LOC128462377: variants seen among roughly 807,000 people sequenced by gnomAD.
At chr16:89,368,264 C>T in the LOC128462377 span, among the ~76,000 whole-genome samples, 9 of 151,448 alleles carry the variant, frequency 5.9e-5, no homozygotes, top group Non-Finnish European at 1.0e-4. Flanking sequence ...GGCACAATCT[C>T]GGCTCACTGC....
At chr16:89,390,778 G>A in the LOC128462377 span, among the ~76,000 whole-genome samples, 1 of 152,150 alleles carries the variant, frequency 6.6e-6, no homozygotes, top group Non-Finnish European at 1.5e-5. Flanking sequence ...GCTGGTAATG[G>A]TTGTCTAACT....
At chr16:89,411,067 G>A in the LOC128462377 span, among the ~76,000 whole-genome samples, 7 of 151,942 alleles carry the variant, frequency 4.6e-5, no homozygotes, top group East Asian at 1.9e-4. Flanking sequence ...AGGGAGGGGC[G>A]GCCAGTGCAG....
the LOC128462377 span, among the ~76,000 whole-genome samples, chr16:89,331,404 A>G: frequency 6.6e-6 from 1 of 152,256 alleles, no homozygotes; most frequent in Non-Finnish European, 1.5e-5. Flanking sequence ...TCTCTGACAA[A>G]CAGGCAAAAA....
At chr16:89,363,696 C>G in the LOC128462377 span, among the ~76,000 whole-genome samples, 1 of 152,090 alleles carries the variant, frequency 6.6e-6, no homozygotes, top group African/African-American at 2.4e-5. Flanking sequence ...TGGCCCAGGC[C>G]CCTGTGAAAC....
chr16:89,417,614 G>T, the LOC128462377 span, among the ~76,000 whole-genome samples: 1 of 152,092 alleles, frequency 6.6e-6, no homozygotes, highest in East Asian at 1.9e-4. Flanking sequence ...CATACACACT[G>T]GTCTCCAGCT....
chr16:89,402,477 C>T, the LOC128462377 span, among the ~76,000 whole-genome samples: 5 of 151,994 alleles, frequency 3.3e-5, no homozygotes, highest in Non-Finnish European at 2.9e-5. Context: ...TCCAAGAGTT[C>T]AAGAGCATCC....
the LOC128462377 span, among the ~76,000 whole-genome samples, chr16:89,396,684 G>A: frequency 6.6e-6 from 1 of 152,096 alleles, no homozygotes; most frequent in Non-Finnish European, 1.5e-5. Flanking sequence ...ATTGCTATTT[G>A]TTGTTGTTGC....
the LOC128462377 span, among the ~76,000 whole-genome samples, chr16:89,402,501 G>A: frequency 2.0e-5 from 3 of 151,930 alleles, no homozygotes; most frequent in Non-Finnish European, 2.9e-5. Context: ...GAATGACAGG[G>A]AGACCCCGCC....
the LOC128462377 span, among the ~76,000 whole-genome samples, chr16:89,378,069 G>T: frequency 5.9e-3 from 896 of 152,250 alleles, 9 homozygotes; most frequent in Non-Finnish European, 9.7e-3. Flanking sequence ...TATAAAATAT[G>T]AGGGGCATGG....
the LOC128462377 span, among the ~76,000 whole-genome samples, chr16:89,321,655 C>T: frequency 6.5e-4 from 99 of 151,748 alleles, no homozygotes; most frequent in African/African-American, 2.4e-3. Flanking sequence ...TGAGAAGGAC[C>T]GTATAAGAAA....
At chr16:89,405,549 GTC>G in the LOC128462377 span, among the ~76,000 whole-genome samples, 4 of 149,642 alleles carry the variant, frequency 2.7e-5, no homozygotes, top group African/African-American at 9.9e-5. Flanking sequence ...GTCCGGGCTG[GTC>G]TCGAACTCCT....
At chr16:89,318,195 G>A in the LOC128462377 span, among the ~76,000 whole-genome samples, 3 of 152,264 alleles carry the variant, frequency 2.0e-5, no homozygotes, top group South Asian at 2.1e-4. Flanking sequence ...CTTCTGTGGC[G>A]ATGCCAACTT....
chr16:89,336,367 C>T, the LOC128462377 span, among the ~76,000 whole-genome samples: 1,462 of 152,254 alleles, frequency 9.6e-3, 22 homozygotes, highest in African/African-American at 0.033. Flanking sequence ...GGCGGGTGTG[C>T]GTCCACAGAC....
chr16:89,331,829 G>T, the LOC128462377 span, among the ~76,000 whole-genome samples: 1 of 152,148 alleles, frequency 6.6e-6, no homozygotes, highest in Non-Finnish European at 1.5e-5. Context: ...TACGGTGATG[G>T]TTTTGAATGT....
the LOC128462377 span, among the ~76,000 whole-genome samples, chr16:89,336,222 G>T: frequency 2.0e-5 from 3 of 152,228 alleles, no homozygotes; most frequent in Admixed American, 1.3e-4. Context: ...AGACTTGAGG[G>T]GTTCAGGCAA....
chr16:89,389,592 C>T, the LOC128462377 span, among the ~76,000 whole-genome samples: 2 of 152,100 alleles, frequency 1.3e-5, no homozygotes, highest in African/African-American at 4.8e-5. Flanking sequence ...CTGTGTGAGA[C>T]GAAAATCACA....
the LOC128462377 span, chr16:89,320,378 A>G: frequency 1.3e-5 from 2 of 152,198 alleles, no homozygotes; most frequent in African/African-American, 4.8e-5. Context: ...GGCAAAGTCT[A>G]TTTTAAACTC....
the LOC128462377 span, among the ~76,000 whole-genome samples, chr16:89,391,365 C>G: frequency 6.6e-6 from 1 of 152,124 alleles, no homozygotes; most frequent in Non-Finnish European, 1.5e-5. Context: ...TCTTGCGGGA[C>G]TCAGTCCTCT....
At chr16:89,382,317 A>G in the LOC128462377 span, among the ~76,000 whole-genome samples, 1 of 130,222 alleles carries the variant, frequency 7.7e-6, no homozygotes, top group Non-Finnish European at 1.8e-5. Context: ...CCCGAAGTCT[A>G]GAAATATATA....
Sources: gnomAD v4.1 joint callset for allele counts (sites outside exome capture counted in the v4.1 genomes callset) on GRCh38, gnomAD v4.1.1 for gene constraint, MANE v1.5 for transcripts.